WWP1: variants seen among roughly 807,000 people sequenced by gnomAD.
WWP1 encodes WW domain containing E3 ubiquitin protein ligase 1.
Under a neutral mutation model 130.6 loss-of-function variants are expected in WWP1, and 49 were observed. The ratio of observed to expected loss-of-function variants is 0.38; its 90% CI spans 0.30 to 0.48. WWP1 has a LOEUF of 0.48. WWP1 is among the 20% of genes least tolerant of loss of function. The pLI is 0.99. For missense variants in WWP1, 809 were observed against 1,100.6 expected, an observed-to-expected ratio of 0.74 and a Z score of 3.75; for synonymous variants, 332 against 367.8, an observed-to-expected ratio of 0.90 and a Z score of 1.11.
At chr8:86,450,350 A>T (rs1036202923) in intron 20 of WWP1, among the ~76,000 whole-genome samples, 3 of 152,152 alleles carry the variant, frequency 2.0e-5, no homozygotes, top group South Asian at 2.1e-4. Context: ...TGCATTTATT[A>T]CGCTAGTTGG....
chr8:86,431,145 A>G (rs1454424998), intron 12 of WWP1, among the ~76,000 whole-genome samples: 33 of 111,960 alleles, frequency 2.9e-4, no homozygotes, highest in African/African-American at 8.5e-4. Flanking sequence ...TTAAAGAATT[A>G]TATATTATAG....
intron 12 of WWP1, 28 bp from the exon 13 acceptor site, chr8:86,431,378 T>G: frequency 7.5e-7 from 1 of 1,331,014 alleles, no homozygotes; most frequent in Non-Finnish European, 1.0e-6. Flanking sequence ...AAATAGTTAT[T>G]AAATATTATA....
intron 7 of WWP1, among the ~76,000 whole-genome samples, chr8:86,399,133 TA>T (rs1807835869): frequency 6.6e-6 from 1 of 152,226 alleles, no homozygotes; most frequent in African/African-American, 2.4e-5. Flanking sequence ...TACAGTGCTT[TA>T]TTTTTTTTAT....
rs140756272 is a variant in WWP1, at chr8:86,392,025, T to C, written c.335-6317T>C. ...TGGTTACAACAGACAATAAATTCTT[T>C]TGGCAGCCTTAAGTTTTCTCAGGCA... On this transcript the variant is annotated intron_variant, in intron 5 of 24. Coordinates refer to ENST00000517970, the MANE Select transcript of WWP1 (RefSeq NM_007013.4). Among the ~76,000 whole-genome samples the C allele has an allele frequency of 2.1e-4, 32 of 152,324 alleles. No homozygotes were observed. The East Asian group carries it at 5.8e-3, about 28-fold the overall frequency.
At chr8:86,454,271 TTATAC>T (rs1563548307) in intron 21 of WWP1, among the ~76,000 whole-genome samples, 2 of 152,172 alleles carry the variant, frequency 1.3e-5, no homozygotes, top group African/African-American at 4.8e-5. Flanking sequence ...TAAATAGTTG[TTATAC>T]TATATTTTTA....
chr8:86,364,783 G>A (rs1243014965), intron 1 of WWP1, among the ~76,000 whole-genome samples: 1 of 149,494 alleles, frequency 6.7e-6, no homozygotes, highest in Non-Finnish European at 1.5e-5. Flanking sequence ...TCTATCCTGG[G>A]CGACAAAAGT....
chr8:86,442,924 A>G (rs1393965887), intron 18 of WWP1, 146 bp downstream of exon 18: 1 of 764,812 alleles, frequency 1.3e-6, no homozygotes, highest in Non-Finnish European at 1.9e-6. Context: ...GTGTAAAAAT[A>G]TATTTTTTGA....
At chr8:86,368,715 C>T (rs1824115330) in intron 1 of WWP1, among the ~76,000 whole-genome samples, 2 of 152,120 alleles carry the variant, frequency 1.3e-5, no homozygotes, top group African/African-American at 4.8e-5. Flanking sequence ...CCATTGTCCA[C>T]TATGCAAGCA....
At chr8:86,433,220 C>T (rs1292037511) in intron 14 of WWP1, among the ~76,000 whole-genome samples, 2 of 144,070 alleles carry the variant, frequency 1.4e-5, no homozygotes, top group African/African-American at 2.6e-5. Flanking sequence ...TCCTTTTTTT[C>T]CTAAGCCTCT....
intron 1 of WWP1, among the ~76,000 whole-genome samples, chr8:86,351,240 A>G (rs1449796978): frequency 6.6e-6 from 1 of 152,226 alleles, no homozygotes; most frequent in East Asian, 1.9e-4. Context: ...GAAGTTGAAA[A>G]TTCAAACAAG....
At position 86,427,846 on chromosome 8, in the gene WWP1, T is replaced by A. The variant is rs1563523619; in HGVS notation, c.1332+29T>A. ...ATTAGCAAATTGTAAGATGTTAACATAACTTCCTCCCTCAGGTGTTTCTTT... is the reference window on the plus strand; with the variant it reads ...ATTAGCAAATTGTAAGATGTTAACAAAACTTCCTCCCTCAGGTGTTTCTTT... On this transcript the variant is annotated intron_variant, in intron 11 of 24. Transcript: ENST00000517970. 3 of 1,577,096 alleles carry A rather than the reference T, an allele frequency of 1.9e-6. No homozygotes were observed. In the African/African-American group the frequency reaches 4.1e-5, roughly 21 times the overall value.
intron 17 of WWP1, 78 bp downstream of exon 17, chr8:86,438,751 G>A: frequency 2.5e-6 from 3 of 1,191,472 alleles, no homozygotes; most frequent in Non-Finnish European, 1.1e-6. Flanking sequence ...CAAAACATAT[G>A]TGAATATATT....
At chr8:86,463,018 C>G (rs1811849612) in intron 24 of WWP1, among the ~76,000 whole-genome samples, 1 of 152,070 alleles carries the variant, frequency 6.6e-6, no homozygotes, top group African/African-American at 2.4e-5. Flanking sequence ...TGAAATAGCA[C>G]TTGTGCACAC....
In WWP1 at chr8:86,442,543, A is replaced by G. The variant is rs902155245; in HGVS notation, c.1839-76A>G. The G allele has an allele frequency of 2.2e-6, 3 of 1,351,452 alleles. No individual in the cohort carries two copies. In the Admixed American group the frequency reaches 7.4e-5, roughly 33 times the overall value. 83.7% of individuals were successfully genotyped at this position (1,351,452 alleles called of 1,614,324 possible). ...ACTGTTGAGCAGAGGTATGATGTAT[A>G]TATGAATATATTTAAGATCTGTTTT... On this transcript the variant is annotated intron_variant, in intron 17 of 24. Coordinates refer to ENST00000517970, the MANE Select transcript of WWP1 (RefSeq NM_007013.4).
At chr8:86,367,270 A>G (rs1391633568) in intron 1 of WWP1, among the ~76,000 whole-genome samples, 1 of 152,304 alleles carries the variant, frequency 6.6e-6, no homozygotes, top group East Asian at 1.9e-4. Flanking sequence ...GCAGCCAATA[A>G]GTATGTTTGT....
intron 1 of WWP1, among the ~76,000 whole-genome samples, chr8:86,347,066 G>T (rs186957286): frequency 5.5e-4 from 84 of 152,058 alleles, no homozygotes; most frequent in Non-Finnish European, 6.6e-4. Flanking sequence ...CTGGAGTTCA[G>T]TGGCACAGTC....
chr8:86,439,376 A>G (rs1423996456), intron 17 of WWP1, among the ~76,000 whole-genome samples: 2 of 150,178 alleles, frequency 1.3e-5, no homozygotes, highest in East Asian at 2.0e-4. Context: ...AGCTTTTTGT[A>G]GAAATGAGGG....
chr8:86,426,492 A>G (rs1809632051), intron 10 of WWP1, among the ~76,000 whole-genome samples: 1 of 152,184 alleles, frequency 6.6e-6, no homozygotes, highest in African/African-American at 2.4e-5. Flanking sequence ...CTGGAGGATG[A>G]GTAGAATTCT....
intron 1 of WWP1, among the ~76,000 whole-genome samples, chr8:86,362,007 C>A (rs1020985493): frequency 8.4e-6 from 1 of 118,676 alleles, no homozygotes; most frequent in Non-Finnish European, 1.9e-5. Context: ...TATATACACA[C>A]ATATATATAT....
Sources: gnomAD v4.1 joint callset for allele counts (sites outside exome capture counted in the v4.1 genomes callset) on GRCh38, gnomAD v4.1.1 for gene constraint, MANE v1.5 for transcripts, NCBI Gene and HGNC (gene_info 2026-07-23, HGNC 2026-07-21) for gene names.